The following CWC22 variants were observed in gnomAD, a reference collection of about 807,000 sequenced individuals.
CWC22 encodes CWC22 spliceosome associated protein.
In CWC22, 53 loss-of-function variants were observed where a neutral mutation model predicts 117.2. The observed-to-expected ratio is 0.45, with a 90% confidence interval of 0.36 to 0.57. CWC22 has a LOEUF of 0.57. Among genes scored for constraint, CWC22 ranks in the 20% least tolerant of loss-of-function variants. CWC22 has a pLI of 0.00. For missense variants in CWC22, 980 were observed against 1,068.8 expected (o/e 0.92, Z 1.16); for synonymous variants, 360 against 355.6 (o/e 1.01, Z -0.14).
intron 2 of CWC22, among the ~76,000 whole-genome samples, chr2:179,989,327 G>A (rs529671483): frequency 3.0e-4 from 46 of 151,738 alleles, no homozygotes; most frequent in Admixed American, 2.4e-3. Flanking sequence ...GCATGATCAC[G>A]GCTCACTGCA....
At chr2:179,947,974 C>T (rs555139691) in intron 19 of CWC22, among the ~76,000 whole-genome samples, 3 of 152,174 alleles carry the variant, frequency 2.0e-5, no homozygotes, top group East Asian at 3.8e-4. Flanking sequence ...CAGAGCTGAC[C>T]TTGGGTAAAA....
chr2:179,959,178 T>A (rs1686682071), intron 13 of CWC22, 96 bp from the exon 14 acceptor site: 1 of 758,578 alleles, frequency 1.3e-6, no homozygotes, highest in Admixed American at 2.5e-5. Flanking sequence ...TAAATCATCT[T>A]TTTTAACTGT....
chr2:179,965,897 CTCTTCCTCTTCT>C lies in CWC22; in HGVS notation c.1284_1295del (p.Glu429_Glu432del). On this transcript the variant is annotated inframe_deletion, in exon 12 of 20. Transcript: ENST00000410053. ...GTTTACCTTCTTCATCTTCTTCTCC[CTCTTCCTCTTCT>C]TCTTCCTCGTCCTCTTCACTACTCC... The C allele has an allele frequency of 1.3e-6, 2 of 1,557,350 alleles. No individual in the cohort carries two copies. Among genetic ancestry groups the C allele is most frequent in the Non-Finnish European group, 1.8e-6 (2 of 1,128,692 alleles).
intron 13 of CWC22, among the ~76,000 whole-genome samples, chr2:179,963,499 C>T (rs542569469): frequency 2.9e-3 from 443 of 150,858 alleles, no homozygotes; most frequent in Non-Finnish European, 4.9e-3. Context: ...CCCGCTACCA[C>T]GCCCGGCTAA....
At chr2:179,966,956 A>G (rs1686906295) in intron 11 of CWC22, among the ~76,000 whole-genome samples, 1 of 152,250 alleles carries the variant, frequency 6.6e-6, no homozygotes, top group Non-Finnish European at 1.5e-5. Context: ...ACAAAAATGA[A>G]GAGTAGTCAT....
chr2:179,968,574 C>CT (rs891386676), intron 11 of CWC22, among the ~76,000 whole-genome samples: 161 of 146,524 alleles, frequency 1.1e-3, no homozygotes, highest in African/African-American at 2.3e-3. Flanking sequence ...AACAATTTTT[C>CT]TTTTTTTTTT....
intron 2 of CWC22, among the ~76,000 whole-genome samples, chr2:179,990,401 G>T (rs1334085549): frequency 6.6e-6 from 1 of 152,106 alleles, no homozygotes; most frequent in Non-Finnish European, 1.5e-5. Flanking sequence ...AGTCCTTCCT[G>T]TGTAGACATT....
rs369778280 is a variant in CWC22, at chr2:179,950,848, A to C, written c.1896T>G (p.Thr632=). 2 of 1,601,004 alleles carry C rather than the reference A, an allele frequency of 1.2e-6. No homozygotes were observed. Among genetic ancestry groups the C allele is most frequent in the East Asian group, 4.5e-5 (2 of 44,304 alleles). ...RNTRFAINFF[T]SIGLGGLTDE... ...ACGTTAAACCTCCAAGACCTATAGAAGTAAAGAAGTTGATGGCAAACCGAG... is the reference window on the plus strand; with the variant it reads ...ACGTTAAACCTCCAAGACCTATAGACGTAAAGAAGTTGATGGCAAACCGAG... The change falls in exon 18 of 20, where the codon ACT becomes ACG. Residue 632 remains threonine, a synonymous_variant. Coordinates refer to ENST00000410053, the MANE Select transcript of CWC22 (RefSeq NM_020943.3).
At chr2:179,956,768 G>A (rs920505065) in intron 14 of CWC22, among the ~76,000 whole-genome samples, 5 of 150,294 alleles carry the variant, frequency 3.3e-5, no homozygotes, top group Non-Finnish European at 7.4e-5. Flanking sequence ...CTTCATATAC[G>A]AAAATTCACT....
At chr2:179,956,575 T>C (rs1686596279) in intron 14 of CWC22, among the ~76,000 whole-genome samples, 1 of 150,006 alleles carries the variant, frequency 6.7e-6, no homozygotes, top group African/African-American at 2.4e-5. Flanking sequence ...GATGCCATTA[T>C]ATTGTGCTAT....
At chr2:179,995,546 A>AG (rs1218716174) in intron 1 of CWC22, among the ~76,000 whole-genome samples, 1 of 152,232 alleles carries the variant, frequency 6.6e-6, no homozygotes, top group Non-Finnish European at 1.5e-5. Context: ...GCCACTGGGT[A>AG]GTTTATGTAG....
At chr2:179,968,584 T>C (rs1394239018) in intron 11 of CWC22, among the ~76,000 whole-genome samples, 4 of 151,952 alleles carry the variant, frequency 2.6e-5, no homozygotes, top group Admixed American at 2.6e-4. Flanking sequence ...CTTTTTTTTT[T>C]TGAGACGGAG....
At chr2:179,996,897 T>A (rs1434432989) in intron 1 of CWC22, among the ~76,000 whole-genome samples, 1 of 150,162 alleles carries the variant, frequency 6.7e-6, no homozygotes, top group Admixed American at 6.6e-5. Context: ...ATGAAGACAT[T>A]TACTGATTAA....
intron 14 of CWC22, 22 bp from the exon 15 acceptor site, chr2:179,955,056 T>C (rs1223194969): frequency 4.7e-6 from 7 of 1,493,544 alleles, no homozygotes; most frequent in East Asian, 2.3e-5. Flanking sequence ...AAAAAATACA[T>C]TAATGATTCA....
chr2:179,959,897 T>C (rs1686701655), intron 13 of CWC22, among the ~76,000 whole-genome samples: 1 of 152,048 alleles, frequency 6.6e-6, no homozygotes, highest in Admixed American at 6.5e-5. Context: ...GAATAACATC[T>C]CAATCTTAAA....
intron 13 of CWC22, among the ~76,000 whole-genome samples, chr2:179,960,698 G>A (rs1336903760): frequency 2.6e-5 from 4 of 151,860 alleles, no homozygotes; most frequent in African/African-American, 7.2e-5. Flanking sequence ...TGGCCACATC[G>A]TCCCAGAAGT....
rs1686529504 is a variant in CWC22, at chr2:179,954,332, T to C, written c.1562A>G (p.Tyr521Cys). Reference protein sequence around the residue: ...AGRFCMLKKEYMESFEGIFKE... With the variant: ...AGRFCMLKKECMESFEGIFKE... ...GAATATACCTTCAAAGGATTCCATG[T>C]ACTCTTTCTTTAGCATGCAAAATCG... Residue 521 changes from tyrosine (Y) to cysteine (C), a missense_variant, in exon 16 of 20, where the codon TAC becomes TGC. Transcript: ENST00000410053. The C allele has an allele frequency of 6.3e-7, 1 of 1,589,470 alleles. No individual in the cohort carries two copies. The highest frequency in any genetic ancestry group is 8.6e-7 in the Non-Finnish European group (1 of 1,162,548).
rs531361431 is a variant in CWC22 at position 180,005,264 on chromosome 2, A to G, written c.-114+1603T>C. 7.2e-5 allele frequency among the ~76,000 whole-genome samples: 11 copies of G among 152,328 alleles called. No individual in the cohort carries two copies. The East Asian group carries it at 1.9e-3, about 27-fold the overall frequency. ...CAACTGAGTTGGGAAAGACTCCATT[A>G]AAGTGGCATGGACACTTAAAACTAG... On this transcript the variant is annotated intron_variant, in intron 1 of 19. Coordinates refer to ENST00000410053, the MANE Select transcript of CWC22 (RefSeq NM_020943.3).
chr2:179,982,099 T>G (rs1384821741), intron 4 of CWC22, 102 bp from the exon 5 acceptor site: 1 of 659,906 alleles, frequency 1.5e-6, no homozygotes, highest in East Asian at 2.7e-5. Context: ...GTCCCACAAA[T>G]TCAGACTAGG....
Sources: allele counts gnomAD v4.1 joint callset (sites outside exome capture counted in the v4.1 genomes callset), GRCh38; gene constraint gnomAD v4.1.1; transcripts MANE v1.5; gene names NCBI Gene and HGNC (gene_info 2026-07-23, HGNC 2026-07-21).